The following ATG2B variants were observed in gnomAD, a reference collection of about 807,000 sequenced individuals.
ATG2B encodes the protein autophagy-related protein 2 homolog B.
Under a neutral mutation model 241.3 loss-of-function variants are expected in ATG2B, and 121 were observed. The observed-to-expected ratio is 0.50, with a 90% CI of 0.43 to 0.58. The LOEUF (loss-of-function observed/expected upper bound fraction) is 0.58. ATG2B is among the 20% of genes least tolerant of loss of function. ATG2B has a pLI of 0.00. For synonymous variants in ATG2B, 858 were observed against 876.6 expected, an observed-to-expected ratio of 0.98 and a Z score of 0.37; for missense variants, 2,306 against 2,491.6, an observed-to-expected ratio of 0.93 and a Z score of 1.59.
chr14:96,307,638 G>A (rs1380569110), intron 29 of ATG2B, among the ~76,000 whole-genome samples: 1 of 152,006 alleles, frequency 6.6e-6, no homozygotes, highest in African/African-American at 2.4e-5. Context: ...ATTACAATGT[G>A]AGGGGAAACT....
Position 96,312,162 on chromosome 14 carries a change from G to A in ATG2B, c.3843-3C>T. 6.3e-7 allele frequency: 1 copy of A among 1,596,850 alleles called. No homozygotes were observed. Among genetic ancestry groups the A allele is most frequent in the Non-Finnish European group, 8.5e-7 (1 of 1,174,550 alleles). ...AAGCAGCTTCATCCAAGATTATTCTGAGGCAAGAAAGATAAAACCAACATC... is the reference window on the plus strand; with the variant it reads ...AAGCAGCTTCATCCAAGATTATTCTAAGGCAAGAAAGATAAAACCAACATC... On this transcript the variant is annotated splice_polypyrimidine_tract_variant and splice_region_variant and intron_variant, in intron 25 of 41. Transcript: ENST00000359933.
Position 96,289,665 on chromosome 14 carries a change from A to C in ATG2B, c.5997T>G (p.Val1999=). 6.2e-7 allele frequency: 1 copy of C among 1,614,132 alleles called. No individual in the cohort carries two copies. Among genetic ancestry groups the C allele is most frequent in the Non-Finnish European group, 8.5e-7 (1 of 1,179,994 alleles). The change falls in exon 41 of 42, where the codon GTT becomes GTG. Residue 1999 remains valine (V), a synonymous_variant. Transcript: ENST00000359933. This position sits in a 1 kb window ranked among gnomAD's most constrained non-coding sequence, Gnocchi z 4.3. ...LREGVAKAYS[V]VKEGITDTAQ... ...CCAAGTATTCAGTTACCTCTTTCAC[A>C]ACACTGTAGGCCTTGGCCACACCTT... is the stretch of plus-strand genomic sequence containing the variant.
At chr14:96,325,475 C>T (rs910542776) in intron 15 of ATG2B, among the ~76,000 whole-genome samples, 174 bp downstream of exon 15, 1 of 152,096 alleles carries the variant, frequency 6.6e-6, no homozygotes, top group Admixed American at 6.5e-5. Flanking sequence ...TAAAAAATTA[C>T]CTATATCACA....
chr14:96,331,988 C>T (rs1194365407), intron 10 of ATG2B, among the ~76,000 whole-genome samples: 1 of 152,088 alleles, frequency 6.6e-6, no homozygotes, highest in East Asian at 1.9e-4. Context: ...ACCTGAGGTT[C>T]TCTTCCAAGG....
Position 96,344,773 on chromosome 14 carries a change from A to C in ATG2B, c.479-17T>G, listed in dbSNP as rs771192745. 8 of 1,277,922 alleles carry C rather than the reference A, an allele frequency of 6.3e-6. No individual in the cohort carries two copies. In the South Asian group the frequency reaches 9.8e-5, roughly 16 times the overall value. 79.2% of individuals were successfully genotyped at this position (1,277,922 alleles called of 1,614,324 possible). On this transcript the variant is annotated splice_polypyrimidine_tract_variant and intron_variant, in intron 3 of 41. Transcript: ENST00000359933. ...TTCTTAGTACTAAAGTAAACAAGTA[A>C]TTGTCAACGTAAGAGACCACATATA...
chr14:96,311,627 T>G lies in ATG2B; in HGVS notation c.3914-9A>C. 1 of 1,595,966 alleles carries G rather than the reference T, an allele frequency of 6.3e-7. No individual in the cohort carries two copies. Among genetic ancestry groups the G allele is most frequent in the East Asian group, 2.2e-5 (1 of 44,538 alleles). On this transcript the variant is annotated splice_polypyrimidine_tract_variant and intron_variant, in intron 26 of 41. Coordinates refer to ENST00000359933, the MANE Select transcript of ATG2B (RefSeq NM_018036.7). ...CATCACACGAACATAATCTAAAATT[T>G]TTAAAATTAAGAAAATCTCTTCAGT...
At chr14:96,308,278 A>T (rs1210402407) in intron 29 of ATG2B, among the ~76,000 whole-genome samples, 1,419 of 27,690 alleles carry the variant, frequency 0.051, 118 homozygotes, top group African/African-American at 0.13. Context: ...ATATATATAT[A>T]TATATTTTTT....
Position 96,284,744 on chromosome 14 carries a change from T to C in ATG2B, c.*1011A>G, listed in dbSNP as rs1379461689. The stretch of plus-strand genomic sequence containing the variant: ...AAATATTCATGGAAGCATAAAACAA[T>C]ATCACCTTTAAATAAAAATACTTTA... On this transcript the variant is annotated 3_prime_UTR_variant, in exon 42 of 42. Coordinates refer to ENST00000359933, the MANE Select transcript of ATG2B (RefSeq NM_018036.7). The C allele has an allele frequency of 6.6e-6, 1 of 152,212 alleles. No homozygotes were observed. Among genetic ancestry groups the C allele is most frequent in the Non-Finnish European group, 1.5e-5 (1 of 68,034 alleles). 9.4% of individuals were successfully genotyped at this position (152,212 alleles called of 1,614,324 possible). A position where few individuals can be genotyped will look rare whatever the true frequency, so the allele number is the denominator to read the frequency against.
At chr14:96,352,767 T>C (rs1006885112) in intron 1 of ATG2B, among the ~76,000 whole-genome samples, 2 of 152,092 alleles carry the variant, frequency 1.3e-5, no homozygotes, top group Admixed American at 1.3e-4. Context: ...ATAAAGTTAC[T>C]GTAACCTCAG....
intron 2 of ATG2B, among the ~76,000 whole-genome samples, chr14:96,346,632 A>AT (rs1159502352): frequency 6.6e-6 from 1 of 152,062 alleles, no homozygotes; most frequent in Non-Finnish European, 1.5e-5. Flanking sequence ...TAATTCTATC[A>AT]TTTTTTTCTC....
At position 96,305,741 on chromosome 14, in the gene ATG2B, C is replaced by A. The variant is rs368759133; in HGVS notation, c.4581G>T (p.Leu1527=). 4.3e-6 allele frequency: 7 copies of A among 1,614,070 alleles called. No individual in the cohort carries two copies. The African/African-American group carries it at 9.3e-5, about 22-fold the overall frequency. ...TGCTCGTATCGGTCTTATTAACGGG[C>A]AGACTGAAATAATTGTCTCTTATCA... ...AIVIRDNYFS[L]PVNKTDTSKA... The change falls in exon 31 of 42, where the codon CTG becomes CTT. Residue 1527 remains leucine, a synonymous_variant. Coordinates refer to ENST00000359933, the MANE Select transcript of ATG2B (RefSeq NM_018036.7).
At chr14:96,296,095 A>G (rs1886633161) in intron 34 of ATG2B, among the ~76,000 whole-genome samples, 1 of 152,188 alleles carries the variant, frequency 6.6e-6, no homozygotes, top group Admixed American at 6.5e-5. Context: ...CTGGGACTAC[A>G]GGCGCCCGCC....
rs1342649449 is a variant in ATG2B at position 96,343,172 on chromosome 14, CCCAGAAGAGAGACACT to C, written c.675_690del (p.Val226MetfsTer40). 6.2e-7 allele frequency: 1 copy of C among 1,606,312 alleles called. No individual in the cohort carries two copies. The highest frequency in any genetic ancestry group is 8.5e-7 in the Non-Finnish European group (1 of 1,175,312). On this transcript the variant is annotated frameshift_variant, in exon 5 of 42. Transcript: ENST00000359933. LOFTEE classifies it high-confidence loss of function. The stretch of plus-strand genomic sequence containing the variant: ...GATTTGGCTGATGCAGAAAACTCAT[CCCAGAAGAGAGACACT>C]CCAGAGAGCTGAAGTAACTTGTGAG...
In ATG2B at chr14:96,328,744, T is replaced by A; in HGVS notation, c.1904A>T (p.Glu635Val). 4 of 1,611,524 alleles carry A rather than the reference T, an allele frequency of 2.5e-6. No individual in the cohort carries two copies. Among genetic ancestry groups the A allele is most frequent in the Non-Finnish European group, 3.4e-6 (4 of 1,178,830 alleles). The stretch of plus-strand genomic sequence containing the variant: ...CACAGGGGAATGGGAACCAGTTTCT[T>A]CTTTGGAATGGAACGTTAAAAGCTT... ...YTELLTFHSK[E>V]ETGSHSPVCL... The change falls in exon 13 of 42, where the codon GAA becomes GTA. Residue 635 changes from glutamate (E) to valine (V), a missense_variant. Physicochemically the swap from Glu to Val is moderately radical, Grantham distance 121. This residue lies in a region of ATG2B where 1,927 missense variants were observed against 2,011.2 expected (regional missense o/e 0.96). Coordinates refer to ENST00000359933, the MANE Select transcript of ATG2B (RefSeq NM_018036.7).
intron 7 of ATG2B, among the ~76,000 whole-genome samples, 174 bp downstream of exon 7, chr14:96,334,231 G>T (rs1177567946): frequency 6.6e-6 from 1 of 152,134 alleles, no homozygotes; most frequent in Non-Finnish European, 1.5e-5. Flanking sequence ...ATGTCCCATG[G>T]TAACACATTC....
intron 6 of ATG2B, among the ~76,000 whole-genome samples, chr14:96,340,387 T>C (rs1039574083): frequency 2.6e-5 from 4 of 151,900 alleles, no homozygotes; most frequent in African/African-American, 9.7e-5. Context: ...AATGAAGTCC[T>C]GTCATTTGTA....
intron 31 of ATG2B, among the ~76,000 whole-genome samples, chr14:96,305,333 C>T (rs1457699515): frequency 1.3e-5 from 2 of 151,974 alleles, no homozygotes; most frequent in Non-Finnish European, 2.9e-5. Flanking sequence ...ATGGTAGATA[C>T]CTGAAAATTT....
At chr14:96,302,609 C>G (rs758230832) in intron 33 of ATG2B, among the ~76,000 whole-genome samples, 1 of 152,128 alleles carries the variant, frequency 6.6e-6, no homozygotes, top group East Asian at 1.9e-4. Context: ...GATGTAGACT[C>G]TCTTTAGAGG....
intron 19 of ATG2B, 22 bp from the exon 20 acceptor site, chr14:96,317,339 T>C: frequency 6.3e-7 from 1 of 1,583,044 alleles, no homozygotes. Flanking sequence ...AAACATACAA[T>C]TACATTCTGA....
Sources: gnomAD v4.1 joint callset for allele counts (sites outside exome capture counted in the v4.1 genomes callset) on GRCh38, gnomAD v4.1.1 for gene constraint, gnomAD v4.1.1 regional missense constraint, Gnocchi (gnomAD v3.1) non-coding constraint, MANE v1.5 for transcripts, NCBI Gene and HGNC (gene_info 2026-07-23, HGNC 2026-07-21) for gene names.